The following DISP1 variants were observed in gnomAD, a reference collection of about 807,000 sequenced individuals.
The protein encoded by DISP1 is dispatched RND transporter family member 1, also known as protein dispatched homolog 1.
Under a neutral mutation model 37.3 loss-of-function variants are expected in DISP1, and 30 were observed. The ratio of observed to expected loss-of-function variants is 0.80; its 90% CI spans 0.60 to 1.09. The LOEUF (loss-of-function observed/expected upper bound fraction) is 1.09. Ranked by LOEUF, DISP1 falls within the 50% of genes least tolerant of loss-of-function variation. The probability of loss-of-function intolerance (pLI) is 0.00; values close to 1 mark genes in which losing one functional copy is unlikely to be tolerated. For synonymous variants in DISP1, 634 were observed against 690.2 expected, an observed-to-expected ratio of 0.92 and a Z score of 1.28; for missense variants, 1,598 against 1,879.5, an observed-to-expected ratio of 0.85 and a Z score of 2.77.
chr1:222,971,182 T>A (rs1417992713), intron 3 of DISP1, among the ~76,000 whole-genome samples: 1 of 152,112 alleles, frequency 6.6e-6, no homozygotes, highest in East Asian at 1.9e-4. Context: ...AATTTTAAGT[T>A]AGAGATTAAG....
chr1:223,001,631 C>T (rs1679452709), intron 8 of DISP1, among the ~76,000 whole-genome samples: 1 of 152,140 alleles, frequency 6.6e-6, no homozygotes, highest in Non-Finnish European at 1.5e-5. Flanking sequence ...AGTTCAAGAT[C>T]AAGGAATTAG....
At chr1:222,911,238 T>A (rs950352211) in intron 1 of DISP1, among the ~76,000 whole-genome samples, 3 of 152,206 alleles carry the variant, frequency 2.0e-5, no homozygotes, top group Non-Finnish European at 4.4e-5. Flanking sequence ...ATCCTTAGAC[T>A]GAATGAAGGC....
intron 1 of DISP1, among the ~76,000 whole-genome samples, chr1:222,915,197 C>T (rs77144953): frequency 1.1e-3 from 163 of 152,220 alleles, no homozygotes; most frequent in African/African-American, 3.7e-3. Context: ...CTTCTTTGAT[C>T]TAAATAAATG....
intron 1 of DISP1, among the ~76,000 whole-genome samples, chr1:222,868,548 T>G (rs1189482397): frequency 6.6e-6 from 1 of 152,138 alleles, no homozygotes; most frequent in African/African-American, 2.4e-5. Flanking sequence ...GTTGTATTAT[T>G]TAATTTGTTA....
chr1:223,000,015 A>G (rs1054426679), intron 8 of DISP1, among the ~76,000 whole-genome samples: 2 of 152,200 alleles, frequency 1.3e-5, no homozygotes, highest in African/African-American at 4.8e-5. Context: ...TCTTTGGTCA[A>G]CTATACACAT....
chr1:222,881,478 G>A (rs1212377140), intron 1 of DISP1, among the ~76,000 whole-genome samples: 1 of 152,178 alleles, frequency 6.6e-6, no homozygotes, highest in African/African-American at 2.4e-5. Flanking sequence ...TTACAGACAT[G>A]AGCCACCGCC....
chr1:222,965,140 T>A (rs2789927), intron 3 of DISP1, among the ~76,000 whole-genome samples: 131,265 of 152,192 alleles, frequency 0.86, 58,995 homozygotes, highest in Non-Finnish European at 0.98. Context: ...TATAGCCTAG[T>A]GGTTAAGAAT....
intron 1 of DISP1, among the ~76,000 whole-genome samples, chr1:222,873,312 C>T (rs1350419017): frequency 6.6e-6 from 1 of 152,120 alleles, no homozygotes; most frequent in African/African-American, 2.4e-5. Context: ...GAGCTGAGTT[C>T]AATTCCTGGA....
At chr1:222,955,707 C>G (rs1249085432) in intron 3 of DISP1, among the ~76,000 whole-genome samples, 1 of 152,168 alleles carries the variant, frequency 6.6e-6, no homozygotes, top group East Asian at 1.9e-4. Context: ...TCTGTTGGCT[C>G]AACTCTGACC....
intron 1 of DISP1, among the ~76,000 whole-genome samples, chr1:222,842,078 G>T (rs1245866653): frequency 1.3e-5 from 2 of 152,062 alleles, no homozygotes; most frequent in Non-Finnish European, 2.9e-5. Context: ...ACCTTGTTTA[G>T]TGGTCTAGGA....
chr1:223,005,315 C>G lies in DISP1; in HGVS notation c.3918C>G (p.Val1306=). 6.2e-7 allele frequency: 1 copy of G among 1,613,678 alleles called. No individual in the cohort carries two copies. Among genetic ancestry groups the G allele is most frequent in the Non-Finnish European group, 8.5e-7 (1 of 1,180,024 alleles). ...HQCSPTTSSF[V]QIQNGVAPLK... ...GCTCTCCTACCACTAGCAGCTTTGTCCAGATCCAAAACGGCGTGGCACCTC... is the reference window on the plus strand; with the variant it reads ...GCTCTCCTACCACTAGCAGCTTTGTGCAGATCCAAAACGGCGTGGCACCTC... Residue 1306 remains valine, a synonymous_variant, in exon 9 of 9, where the codon GTC becomes GTG. Coordinates refer to ENST00000675850, the MANE Select transcript of DISP1 (RefSeq NM_001377229.1).
chr1:222,818,534 TA>T (rs989724510), intron 1 of DISP1, among the ~76,000 whole-genome samples: 52 of 152,250 alleles, frequency 3.4e-4, no homozygotes, highest in African/African-American at 1.2e-3. Flanking sequence ...TGTGTATTTT[TA>T]AAAGAGATTT....
intron 1 of DISP1, among the ~76,000 whole-genome samples, chr1:222,894,203 G>A (rs985256069): frequency 6.6e-6 from 1 of 152,144 alleles, no homozygotes; most frequent in Non-Finnish European, 1.5e-5. Flanking sequence ...CTGACAGCCC[G>A]GTCCCCAGGC....
intron 4 of DISP1, among the ~76,000 whole-genome samples, chr1:222,988,662 CTTTT>C (rs35016383): frequency 7.9e-6 from 1 of 127,018 alleles, no homozygotes; most frequent in South Asian, 2.5e-4. Flanking sequence ...ATTTCTTTCT[CTTTT>C]TTTTTTTTTT....
At chr1:222,945,527 T>A (rs566105754) in intron 3 of DISP1, among the ~76,000 whole-genome samples, 2 of 152,332 alleles carry the variant, frequency 1.3e-5, no homozygotes, top group East Asian at 3.9e-4. Context: ...AATAACCAAT[T>A]CTTTCAGTAT....
chr1:222,984,525 T>TATATAACATAGGTTTATATGATAG (rs1381366949), intron 4 of DISP1, among the ~76,000 whole-genome samples: 1 of 149,814 alleles, frequency 6.7e-6, no homozygotes, highest in Non-Finnish European at 1.5e-5. Context: ...TTATATGTTA[T>TATATAACATAGGTTTATATGATAG]ATATAACAGG....
chr1:222,875,251 T>A (rs1669894092), intron 1 of DISP1, among the ~76,000 whole-genome samples: 1 of 151,794 alleles, frequency 6.6e-6, no homozygotes. Context: ...AGGCGGAGGT[T>A]GCAGTGAGCC....
At chr1:222,968,721 G>A (rs1482123626) in intron 3 of DISP1, among the ~76,000 whole-genome samples, 2 of 151,964 alleles carry the variant, frequency 1.3e-5, no homozygotes. Flanking sequence ...ATCACCTAAG[G>A]TCAGGAGTTC....
intron 2 of DISP1, among the ~76,000 whole-genome samples, chr1:222,938,312 A>G (rs927110586): frequency 1.3e-5 from 2 of 152,182 alleles, no homozygotes; most frequent in African/African-American, 2.4e-5. Flanking sequence ...ATGTAAGGGT[A>G]TTAAGACTCT....
Sources: allele counts gnomAD v4.1 joint callset (sites outside exome capture counted in the v4.1 genomes callset), GRCh38; gene constraint gnomAD v4.1.1; transcripts MANE v1.5; gene names NCBI Gene and HGNC (gene_info 2026-07-23, HGNC 2026-07-21).